ZNF670: variants seen among roughly 807,000 people sequenced by gnomAD.
ZNF670 encodes the protein zinc finger protein 670.
Under a neutral mutation model 10.9 loss-of-function variants are expected in ZNF670, and 7 were observed. The observed-to-expected ratio is 0.64, with a 90% CI of 0.36 to 1.20. The LOEUF is 1.20. Ranked by LOEUF, ZNF670 falls within the 50% of genes most tolerant of loss-of-function variation. The probability of loss-of-function intolerance (pLI) is 0.02; values close to 1 mark genes in which losing one functional copy is unlikely to be tolerated. For missense variants in ZNF670, 446 were observed against 458.6 expected (o/e 0.97, Z 0.25); for synonymous variants, 136 against 152.7 (o/e 0.89, Z 0.81).
intron 1 of ZNF670, 67 bp downstream of exon 1, chr1:247,078,527 G>C (rs901423459): frequency 6.2e-7 from 1 of 1,605,060 alleles, no homozygotes; most frequent in Non-Finnish European, 8.5e-7. Context: ...GGAGGTCCGG[G>C]TTCGCCACAA....
chr1:247,070,469 T>G (rs1018771886), intron 1 of ZNF670, among the ~76,000 whole-genome samples: 1 of 151,044 alleles, frequency 6.6e-6, no homozygotes, highest in Non-Finnish European at 1.5e-5. Flanking sequence ...AGACTCCGTC[T>G]CAAAACAAAC....
At chr1:247,059,921 AAAAG>A (rs1670818705) in intron 1 of ZNF670, among the ~76,000 whole-genome samples, 1 of 152,182 alleles carries the variant, frequency 6.6e-6, no homozygotes, top group Non-Finnish European at 1.5e-5. Context: ...GCACCCAGTA[AAAAG>A]AAAGACCTAT....
intron 1 of ZNF670, among the ~76,000 whole-genome samples, chr1:247,060,787 G>A (rs1473407736): frequency 6.6e-6 from 1 of 152,044 alleles, no homozygotes; most frequent in African/African-American, 2.4e-5. Flanking sequence ...GTATAACACA[G>A]GTTATAAAGC....
At chr1:247,077,603 C>T (rs759752336) in intron 1 of ZNF670, among the ~76,000 whole-genome samples, 1 of 146,168 alleles carries the variant, frequency 6.8e-6, no homozygotes, top group Non-Finnish European at 1.5e-5. Flanking sequence ...ATTTTCAGAA[C>T]GACTCACTAC....
At chr1:247,066,768 A>G (rs1466305766) in intron 1 of ZNF670, among the ~76,000 whole-genome samples, 2 of 152,214 alleles carry the variant, frequency 1.3e-5, no homozygotes, top group Non-Finnish European at 2.9e-5. Context: ...AGTTCTGATA[A>G]TAAACATTTA....
chr1:247,045,318 TG>T (rs997562206), intron 1 of ZNF670, among the ~76,000 whole-genome samples: 1 of 152,206 alleles, frequency 6.6e-6, no homozygotes, highest in East Asian at 1.9e-4. Context: ...CATGTTTAAA[TG>T]TGACCTCCAA....
intron 1 of ZNF670, among the ~76,000 whole-genome samples, chr1:247,064,943 G>T (rs1670947643): frequency 6.6e-6 from 1 of 151,982 alleles, no homozygotes; most frequent in South Asian, 2.1e-4. Context: ...CAAGTAGCTG[G>T]GACCACAGGT....
intron 1 of ZNF670, among the ~76,000 whole-genome samples, chr1:247,062,997 C>T (rs940378579): frequency 8.5e-5 from 13 of 152,158 alleles, no homozygotes. Context: ...TTTACAGTTT[C>T]CATAGAGGAA....
intron 1 of ZNF670, among the ~76,000 whole-genome samples, chr1:247,072,843 T>TATATATACACAC (rs1671168605): frequency 2.3e-5 from 2 of 85,814 alleles, no homozygotes; most frequent in African/African-American, 9.9e-5. Context: ...TATATATGCA[T>TATATATACACAC]ACACACACAT....
chr1:247,077,144 G>A (rs991448560), intron 1 of ZNF670, among the ~76,000 whole-genome samples: 44 of 152,222 alleles, frequency 2.9e-4, no homozygotes, highest in African/African-American at 1.0e-3. Context: ...TGCCACCAAC[G>A]TGTCTCCAAG....
At chr1:247,075,993 A>G (rs1671242181) in intron 1 of ZNF670, among the ~76,000 whole-genome samples, 1 of 152,186 alleles carries the variant, frequency 6.6e-6, no homozygotes, top group Admixed American at 6.5e-5. Flanking sequence ...CTCTTTGGAA[A>G]TATTTTTTTT....
intron 1 of ZNF670, among the ~76,000 whole-genome samples, chr1:247,068,351 T>C (rs1370576189): frequency 9.3e-6 from 1 of 107,202 alleles, no homozygotes; most frequent in Non-Finnish European, 1.9e-5. Flanking sequence ...GGGCAAAAGA[T>C]ATGAATAGAC....
In ZNF670 at chr1:247,038,084, C is replaced by T; in HGVS notation, c.535G>A (p.Asp179Asn). ...YKGPVYEKPF[D>N]FPSVFQMPQS... Reference sequence around the variant, plus strand: ...GGCATTTGAAATACACTAGGAAAATCAAAAGGCTTCTCATACACTGGACCC... The same window carrying T: ...GGCATTTGAAATACACTAGGAAAATTAAAAGGCTTCTCATACACTGGACCC... Residue 179 changes from aspartate to asparagine, a missense_variant, in exon 4 of 4, where the codon GAT (aspartate) becomes AAT (asparagine). Transcript: ENST00000366503. 1 of 1,614,138 alleles carries T rather than the reference C, an allele frequency of 6.2e-7. No homozygotes were observed. The highest frequency in any genetic ancestry group is 1.1e-5 in the South Asian group (1 of 91,066).
rs996468565 is a variant in ZNF670 at position 247,078,790 on chromosome 1, C to T, written c.-194G>A. ...GCCAGGTCCCGGAAGCTGCTCCCTC[C>T]TTTCGCGGCGCGCTTGAGAGTACAG... On this transcript the variant is annotated 5_prime_UTR_variant, in exon 1 of 4. Transcript: ENST00000366503. 3.8e-5 allele frequency: 23 copies of T among 611,020 alleles called. No homozygotes were observed. The highest frequency in any genetic ancestry group is 3.1e-4 in the Admixed American group (10 of 32,424). 37.8% of individuals were successfully genotyped at this position (611,020 alleles called of 1,614,324 possible).
intron 1 of ZNF670, among the ~76,000 whole-genome samples, chr1:247,051,044 C>T (rs7549531): frequency 6.6e-6 from 1 of 151,550 alleles, no homozygotes; most frequent in Non-Finnish European, 1.5e-5. Flanking sequence ...TGCGGTGGCT[C>T]ACACCTGTAA....
chr1:247,038,659 C>A lies in ZNF670; in HGVS notation c.191+151G>T. 5 of 703,824 alleles carry A rather than the reference C, an allele frequency of 7.1e-6. 1 individual carries two copies. In the South Asian group the frequency reaches 8.1e-5, roughly 11 times the overall value. 43.6% of individuals were successfully genotyped at this position (703,824 alleles called of 1,614,324 possible). A position where few individuals can be genotyped will look rare whatever the true frequency, so the allele number is the denominator to read the frequency against. The stretch of plus-strand genomic sequence containing the variant: ...AGTAAAATATTCTGAAAATATTGAA[C>A]ATCAATGTTACATTCAGGTGTATTT... On this transcript the variant is annotated intron_variant, in intron 3 of 3. Coordinates refer to ENST00000366503, the MANE Select transcript of ZNF670 (RefSeq NM_033213.5).
Position 247,037,949 on chromosome 1 carries a change from GTT to G in ZNF670, c.668_669del (p.Lys223ThrfsTer5). 6.2e-7 allele frequency: 1 copy of G among 1,613,742 alleles called. No individual in the cohort carries two copies. The highest frequency in any genetic ancestry group is 2.2e-5 in the East Asian group (1 of 44,868). On this transcript the variant is annotated frameshift_variant, in exon 4 of 4. Transcript: ENST00000366503. LOFTEE classifies it low-confidence loss of function (END_TRUNC). Reference protein sequence around the residue: ...REHERTHTGEKPYACKKCGKS... With the variant: ...REHERTHTGEXPYACKKCGKS... ...TTACCACATTTCTTACATGCATAGGGTTTCTCTCCAGTATGAGTTCTTTCATG... is the reference window on the plus strand; with the variant it reads ...TTACCACATTTCTTACATGCATAGGGTCTCTCCAGTATGAGTTCTTTCATG...
At chr1:247,045,568 C>T (rs1670422727) in intron 1 of ZNF670, among the ~76,000 whole-genome samples, 1 of 152,170 alleles carries the variant, frequency 6.6e-6, no homozygotes, top group South Asian at 2.1e-4. Context: ...CGGTGCCATG[C>T]TTGTACAGCC....
At chr1:247,069,512 A>C (rs1671068288) in intron 1 of ZNF670, among the ~76,000 whole-genome samples, 1 of 151,244 alleles carries the variant, frequency 6.6e-6, no homozygotes, top group Non-Finnish European at 1.5e-5. Context: ...AGCCAAAAGA[A>C]AGGAAACCAG....
Sources: gnomAD v4.1 joint callset for allele counts (sites outside exome capture counted in the v4.1 genomes callset) on GRCh38, gnomAD v4.1.1 for gene constraint, MANE v1.5 for transcripts, NCBI Gene and HGNC (gene_info 2026-07-23, HGNC 2026-07-21) for gene names.